Variants in LYPLAL1 observed in about 807,000 individuals in gnomAD.
LYPLAL1 encodes the protein lysophospholipase-like protein 1.
LYPLAL1 carries 23 observed loss-of-function variants against 19.7 expected under a neutral mutation model. The observed-to-expected ratio is 1.17, with a 90% CI of 0.84 to 1.65. LYPLAL1 has a LOEUF of 1.65. LYPLAL1 is among the 40% of genes most tolerant of loss of function. LYPLAL1 has a pLI of 0.00. For missense variants in LYPLAL1, 355 were observed against 279.4 expected, an observed-to-expected ratio of 1.27 and a Z score of -1.93; for synonymous variants, 119 against 96.3, an observed-to-expected ratio of 1.24 and a Z score of -1.38.
the LYPLAL1 span, among the ~76,000 whole-genome samples, chr1:219,325,633 A>G: frequency 2.0e-5 from 3 of 152,194 alleles, no homozygotes; most frequent in South Asian, 6.2e-4. Flanking sequence ...TCAATTAAGC[A>G]CCCACATACA....
chr1:219,270,305 T>G, the LYPLAL1 span, among the ~76,000 whole-genome samples: 1 of 152,228 alleles, frequency 6.6e-6, no homozygotes, highest in Non-Finnish European at 1.5e-5. Flanking sequence ...AGAGAAGTGC[T>G]CTCTCTGCTG....
the LYPLAL1 span, among the ~76,000 whole-genome samples, chr1:219,317,755 C>A: frequency 3.2e-4 from 48 of 152,258 alleles, no homozygotes; most frequent in Admixed American, 2.9e-3. Context: ...ATAGTATACT[C>A]CTGCAGCAGT....
At chr1:219,256,122 T>C in the LYPLAL1 span, among the ~76,000 whole-genome samples, 1 of 151,904 alleles carries the variant, frequency 6.6e-6, no homozygotes, top group African/African-American at 2.4e-5. Flanking sequence ...TCCTCTACTA[T>C]AGAAGAGTTT....
chr1:219,208,566 T>A (rs771162660), intron 3 of LYPLAL1, among the ~76,000 whole-genome samples: 9 of 152,070 alleles, frequency 5.9e-5, no homozygotes, highest in Non-Finnish European at 1.3e-4. Flanking sequence ...TACTTACCAC[T>A]GAGCGTGTAA....
Position 219,211,516 on chromosome 1 carries a change from C to T in LYPLAL1, c.502C>T (p.Leu168Phe). Reference sequence around the variant, plus strand: ...GGCTCTTCAGAAGAGTAATGGTGTACTTCCTGAATTATTTCAGTGTCATGG... The same window carrying T: ...GGCTCTTCAGAAGAGTAATGGTGTATTTCCTGAATTATTTCAGTGTCATGG... ...YQALQKSNGV[L>F]PELFQCHGTA... The change falls in exon 5 of 5, where the codon CTT (leucine) becomes TTT (phenylalanine). Residue 168 changes from leucine (L) to phenylalanine (F), a missense_variant. By Grantham distance (22) the Leu-to-Phe change is conservative. Transcript: ENST00000366928. 1 of 1,609,550 alleles carries T rather than the reference C, an allele frequency of 6.2e-7. No homozygotes were observed. Among genetic ancestry groups the T allele is most frequent in the Middle Eastern group, 1.7e-4 (1 of 6,022 alleles).
chr1:219,269,974 G>T, the LYPLAL1 span, among the ~76,000 whole-genome samples: 2 of 152,138 alleles, frequency 1.3e-5, no homozygotes, highest in Non-Finnish European at 2.9e-5. Flanking sequence ...TGTTTAGATG[G>T]GCTATAATAC....
the LYPLAL1 span, among the ~76,000 whole-genome samples, chr1:219,434,838 C>T: frequency 2.6e-5 from 4 of 152,050 alleles, no homozygotes; most frequent in African/African-American, 7.2e-5. Flanking sequence ...AATAATCAGC[C>T]GTGTTCTTAG....
At chr1:219,346,312 A>G in the LYPLAL1 span, among the ~76,000 whole-genome samples, 1 of 152,202 alleles carries the variant, frequency 6.6e-6, no homozygotes, top group African/African-American at 2.4e-5. Flanking sequence ...GCAGGTGGTC[A>G]GTTAGGGAAA....
the LYPLAL1 span, among the ~76,000 whole-genome samples, chr1:219,269,465 C>A: frequency 6.6e-6 from 1 of 151,654 alleles, no homozygotes; most frequent in African/African-American, 2.4e-5. Flanking sequence ...CAGAATAAGT[C>A]ACCTCAGTTT....
chr1:219,219,069 G>A, the LYPLAL1 span, among the ~76,000 whole-genome samples: 4 of 152,160 alleles, frequency 2.6e-5, no homozygotes, highest in African/African-American at 9.7e-5. Context: ...AGGAGGAAGT[G>A]TCTAGGACAG....
the LYPLAL1 span, among the ~76,000 whole-genome samples, chr1:219,263,621 G>A: frequency 6.6e-6 from 1 of 152,060 alleles, no homozygotes; most frequent in Admixed American, 6.6e-5. Flanking sequence ...TACTTCTGAT[G>A]GCTACCTTCT....
chr1:219,175,391 A>T (rs1451231503), intron 1 of LYPLAL1, among the ~76,000 whole-genome samples: 1 of 152,186 alleles, frequency 6.6e-6, no homozygotes, highest in Non-Finnish European at 1.5e-5. Flanking sequence ...AGTACTATTT[A>T]GGGCTCCAAG....
chr1:219,192,937 G>A (rs1657297011), intron 2 of LYPLAL1, 145 bp from the exon 3 acceptor site: 1 of 752,772 alleles, frequency 1.3e-6, no homozygotes, highest in South Asian at 2.1e-5. Context: ...ATACATGAGA[G>A]TAGTTTTAAT....
intron 4 of LYPLAL1, among the ~76,000 whole-genome samples, chr1:219,210,920 A>G (rs1169285806): frequency 2.0e-5 from 3 of 152,130 alleles, no homozygotes; most frequent in African/African-American, 7.2e-5. Context: ...GGGAGCATAT[A>G]TGTAAATTTT....
At chr1:219,244,536 A>T in the LYPLAL1 span, among the ~76,000 whole-genome samples, 38 of 152,298 alleles carry the variant, frequency 2.5e-4, no homozygotes, top group Non-Finnish European at 4.3e-4. Flanking sequence ...TATGGAAGGG[A>T]ATTCTCCAGC....
At chr1:219,289,750 G>A in the LYPLAL1 span, among the ~76,000 whole-genome samples, 1 of 152,094 alleles carries the variant, frequency 6.6e-6, no homozygotes, top group Non-Finnish European at 1.5e-5. Flanking sequence ...ACAATTGCTC[G>A]CGCCATCCTC....
At chr1:219,436,143 C>T in the LYPLAL1 span, among the ~76,000 whole-genome samples, 1 of 152,144 alleles carries the variant, frequency 6.6e-6, no homozygotes, top group African/African-American at 2.4e-5. Flanking sequence ...GGTGCTCATA[C>T]CTGTGTGCTG....
At chr1:219,281,204 C>T in the LYPLAL1 span, among the ~76,000 whole-genome samples, 1 of 152,106 alleles carries the variant, frequency 6.6e-6, no homozygotes, top group Admixed American at 6.5e-5. Flanking sequence ...TAGAAAGTAT[C>T]TTTTCCTTTG....
chr1:219,380,445 T>C, the LYPLAL1 span, among the ~76,000 whole-genome samples: 1 of 152,202 alleles, frequency 6.6e-6, no homozygotes, highest in African/African-American at 2.4e-5. Flanking sequence ...GAGGGCTGTG[T>C]TGGCACCATT....
Sources: allele counts gnomAD v4.1 joint callset (sites outside exome capture counted in the v4.1 genomes callset), GRCh38; gene constraint gnomAD v4.1.1; transcripts MANE v1.5; gene names NCBI Gene and HGNC (gene_info 2026-07-23, HGNC 2026-07-21).